Variants in RGS20 observed in about 807,000 individuals in gnomAD.
The protein encoded by RGS20 is regulator of G protein signaling 20.
RGS20 carries 30 observed loss-of-function variants against 33.6 expected under a neutral mutation model. That is an observed-to-expected ratio of 0.89 (90% confidence interval 0.67 to 1.21). RGS20 has a LOEUF of 1.21. RGS20 is among the 50% of genes most tolerant of loss of function. The pLI, the probability that RGS20 is intolerant of heterozygous loss-of-function variation, is 0.00. For synonymous variants in RGS20, 208 were observed against 197.9 expected, an observed-to-expected ratio of 1.05 and a Z score of -0.43; for missense variants, 472 against 502.4, an observed-to-expected ratio of 0.94 and a Z score of 0.58.
Position 53,946,569 on chromosome 8 carries a change from ATACTT to A in RGS20, c.660-95_660-91del, listed in dbSNP as rs1429525286. 3.9e-6 allele frequency: 4 copies of A among 1,025,016 alleles called. No homozygotes were observed. The African/African-American group carries it at 4.8e-5, about 12-fold the overall frequency. 63.5% of individuals were successfully genotyped at this position (1,025,016 alleles called of 1,614,324 possible). A position where few individuals can be genotyped will look rare whatever the true frequency, so the allele number is the denominator to read the frequency against. On this transcript the variant is annotated intron_variant, in intron 3 of 5. Coordinates refer to ENST00000297313, the MANE Select transcript of RGS20 (RefSeq NM_170587.4). ...CCAAGTAGAGGAAGAAATTCTATTA[ATACTT>A]GGGGATCTGAAGTTCTCTTTAAAGT...
chr8:53,852,414 C>G (rs1033866583), intron 1 of RGS20, among the ~76,000 whole-genome samples: 3 of 152,074 alleles, frequency 2.0e-5, no homozygotes, highest in Non-Finnish European at 4.4e-5. Flanking sequence ...TATTACATCC[C>G]ATATAATAAT....
chr8:53,906,993 A>G (rs1813197820), intron 2 of RGS20, among the ~76,000 whole-genome samples: 1 of 152,214 alleles, frequency 6.6e-6, no homozygotes, highest in African/African-American at 2.4e-5. Flanking sequence ...AAATCCCCAG[A>G]CATAGCTCTC....
chr8:53,889,882 T>C (rs926210677), intron 2 of RGS20, among the ~76,000 whole-genome samples: 1 of 152,188 alleles, frequency 6.6e-6, no homozygotes, highest in African/African-American at 2.4e-5. Flanking sequence ...GTTATCCTCA[T>C]AAAGTTTTTC....
intron 4 of RGS20, among the ~76,000 whole-genome samples, chr8:53,947,609 C>A (rs189958209): frequency 5.9e-5 from 5 of 84,762 alleles, no homozygotes; most frequent in Non-Finnish European, 1.1e-4. Context: ...GGATATAGTA[C>A]ATACATTTAT....
intron 2 of RGS20, among the ~76,000 whole-genome samples, chr8:53,902,161 G>A (rs1361896587): frequency 6.6e-6 from 1 of 152,074 alleles, no homozygotes; most frequent in African/African-American, 2.4e-5. Context: ...GGGACTAGGC[G>A]CATGTCACCA....
At chr8:53,930,297 TATC>T (rs1352902946) in intron 2 of RGS20, among the ~76,000 whole-genome samples, 2 of 152,236 alleles carry the variant, frequency 1.3e-5, no homozygotes, top group Non-Finnish European at 2.9e-5. Flanking sequence ...TAGGGGAAGA[TATC>T]ATTTATGACA....
Position 53,946,714 on chromosome 8 carries a change from G to C in RGS20, c.709G>C (p.Glu237Gln), listed in dbSNP as rs770358295. ...TCAGAGGCCCACAATAGCTTCCCAC[G>C]AACTCAGAGCAGATCTTCCAACCTG... Residue 237 changes from glutamate to glutamine, a missense_variant, in exon 4 of 6, where the codon GAA becomes CAA. Glu to Gln is a conservative substitution (Grantham distance 29). Transcript: ENST00000297313. 6.2e-7 allele frequency: 1 copy of C among 1,613,102 alleles called. No homozygotes were observed. Among genetic ancestry groups the C allele is most frequent in the South Asian group, 1.1e-5 (1 of 90,876 alleles).
intron 2 of RGS20, among the ~76,000 whole-genome samples, chr8:53,938,514 CAT>C (rs988806187): frequency 1.8e-4 from 27 of 152,136 alleles, no homozygotes; most frequent in South Asian, 8.3e-4. Flanking sequence ...AGGTTTTGCA[CAT>C]GTGTCCCAGA....
intron 2 of RGS20, among the ~76,000 whole-genome samples, chr8:53,881,607 A>G (rs1247760446): frequency 1.3e-5 from 2 of 152,018 alleles, no homozygotes; most frequent in Non-Finnish European, 2.9e-5. Flanking sequence ...GAGAAGTGCA[A>G]CCAGGGCAGG....
chr8:53,947,471 A>C (rs1241930245), intron 4 of RGS20, among the ~76,000 whole-genome samples: 2 of 139,498 alleles, frequency 1.4e-5, no homozygotes. Flanking sequence ...TATAAGATAT[A>C]GTATATACAT....
At chr8:53,908,298 T>C (rs7012717) in intron 2 of RGS20, among the ~76,000 whole-genome samples, 10,688 of 151,968 alleles carry the variant, frequency 0.07, 1,157 homozygotes, top group African/African-American at 0.23. Flanking sequence ...CAATAGATAA[T>C]GGAGATACAG....
intron 1 of RGS20, among the ~76,000 whole-genome samples, chr8:53,862,679 G>C (rs111836299): frequency 0.026 from 3,930 of 152,214 alleles, 169 homozygotes; most frequent in African/African-American, 0.09. Context: ...ATGCCCCTAA[G>C]TCCTAGCTAC....
In RGS20 at chr8:53,939,695, C is replaced by T. The variant is rs376389206; in HGVS notation, c.630C>T (p.Phe210=). ...GTCGCGGGTCCAACGCATGCTGCTT[C>T]TGCTGGTGCTGCTGTTGTAGCTGCT... is the stretch of plus-strand genomic sequence containing the variant. The change falls in exon 3 of 6, where the codon TTC becomes TTT. Residue 210 remains phenylalanine, a synonymous_variant. Transcript: ENST00000297313. 6.4e-7 allele frequency: 1 copy of T among 1,563,428 alleles called. No individual in the cohort carries two copies. The highest frequency in any genetic ancestry group is 8.7e-7 in the Non-Finnish European group (1 of 1,153,422).
At chr8:53,876,831 A>T (rs2129272995) in intron 1 of RGS20, among the ~76,000 whole-genome samples, 1 of 152,266 alleles carries the variant, frequency 6.6e-6, no homozygotes, top group African/African-American at 2.4e-5. Flanking sequence ...AAAGGAGCCG[A>T]GTCTTGTTTT....
At chr8:53,938,317 A>C (rs1207118107) in intron 2 of RGS20, among the ~76,000 whole-genome samples, 1 of 152,200 alleles carries the variant, frequency 6.6e-6, no homozygotes, top group East Asian at 1.9e-4. Flanking sequence ...CTCGCTCATA[A>C]GTGGGAATTA....
At chr8:53,922,877 T>G (rs1179399027) in intron 2 of RGS20, among the ~76,000 whole-genome samples, 1 of 152,132 alleles carries the variant, frequency 6.6e-6, no homozygotes. Context: ...TCCAGGCTGG[T>G]CTTGAACTCC....
chr8:53,904,100 C>T (rs1009163369), intron 2 of RGS20, among the ~76,000 whole-genome samples: 1 of 150,012 alleles, frequency 6.7e-6, no homozygotes, highest in Non-Finnish European at 1.5e-5. Context: ...GAAGGGGTAG[C>T]TTTGTCTGGG....
intron 2 of RGS20, among the ~76,000 whole-genome samples, chr8:53,935,819 C>T (rs919375979): frequency 6.6e-6 from 1 of 152,182 alleles, no homozygotes; most frequent in Non-Finnish European, 1.5e-5. Context: ...AGGCCAATAT[C>T]CCTGATGAAC....
chr8:53,903,246 T>C (rs554328072), intron 2 of RGS20, among the ~76,000 whole-genome samples: 6 of 152,364 alleles, frequency 3.9e-5, no homozygotes, highest in African/African-American at 1.4e-4. Flanking sequence ...GCCTATTGTA[T>C]GCTAGACACT....
Sources: gnomAD v4.1 joint callset for allele counts (sites outside exome capture counted in the v4.1 genomes callset) on GRCh38, gnomAD v4.1.1 for gene constraint, MANE v1.5 for transcripts, NCBI Gene and HGNC (gene_info 2026-07-23, HGNC 2026-07-21) for gene names.